The following MAP2K1 variants were observed in gnomAD, a reference collection of about 807,000 sequenced individuals.
MAP2K1 encodes the protein mitogen-activated protein kinase kinase 1.
A neutral mutation model predicts 46.3 loss-of-function variants in MAP2K1; 16 were observed. The ratio of observed to expected loss-of-function variants is 0.35; its 90% CI spans 0.23 to 0.52. The LOEUF (loss-of-function observed/expected upper bound fraction) is 0.52. Among genes scored for constraint, MAP2K1 ranks in the 20% least tolerant of loss-of-function variants. MAP2K1 has a pLI of 0.94. For missense variants in MAP2K1, 263 were observed against 497.1 expected (o/e 0.53, Z 4.48); for synonymous variants, 183 against 185.6 (o/e 0.99, Z 0.11).
intron 1 of MAP2K1, among the ~76,000 whole-genome samples, chr15:66,403,738 A>G (rs1236833310): frequency 6.6e-6 from 1 of 152,132 alleles, no homozygotes; most frequent in Non-Finnish European, 1.5e-5. Flanking sequence ...ATCCAGGTTA[A>G]TTATATTTCC....
rs567279883 is a variant in MAP2K1 at position 66,413,618 on chromosome 15, G to A, written c.81-21409G>A. On this transcript the variant is annotated intron_variant, in intron 1 of 10. Coordinates refer to ENST00000307102, the MANE Select transcript of MAP2K1 (RefSeq NM_002755.4). ...GCAAATTCTCATCCATTTCTGTATT[G>A]TAGGCATTTTTTTTTTTCTTTTGGT... Among the ~76,000 whole-genome samples, 19 of 68,822 alleles carry A rather than the reference G, an allele frequency of 2.8e-4. No individual in the cohort carries two copies. The East Asian group carries it at 8.3e-3, about 30-fold the overall frequency. 45.1% of individuals were successfully genotyped at this position (68,822 alleles called of 152,430 possible).
chr15:66,471,390 G>T (rs1220061578), intron 5 of MAP2K1, among the ~76,000 whole-genome samples: 1 of 152,156 alleles, frequency 6.6e-6, no homozygotes, highest in Non-Finnish European at 1.5e-5. Flanking sequence ...ACATTAGCAG[G>T]TAGGAGTTAC....
At chr15:66,433,084 G>C (rs1300756664) in intron 1 of MAP2K1, among the ~76,000 whole-genome samples, 2 of 151,584 alleles carry the variant, frequency 1.3e-5, no homozygotes. Flanking sequence ...TTAGCTGTGG[G>C]GTCCATCTAC....
At chr15:66,461,657 G>A (rs947093440) in intron 5 of MAP2K1, among the ~76,000 whole-genome samples, 2 of 151,818 alleles carry the variant, frequency 1.3e-5, no homozygotes, top group African/African-American at 4.8e-5. Flanking sequence ...GTTTATTGTT[G>A]GAGGTAAGTG....
At position 66,409,720 on chromosome 15, in the gene MAP2K1, G is replaced by A. The variant is rs576395558; in HGVS notation, c.80+22293G>A. On this transcript the variant is annotated intron_variant, in intron 1 of 10. Coordinates refer to ENST00000307102, the MANE Select transcript of MAP2K1 (RefSeq NM_002755.4). ...TCAGCAGAACTCACTTGGGAACAGA[G>A]TTTAATTTCACTGTAGGTGGCTGTG... Among the ~76,000 whole-genome samples the A allele has an allele frequency of 3.9e-5, 6 of 152,318 alleles. No homozygotes were observed. In the South Asian group the frequency reaches 6.2e-4, roughly 16 times the overall value.
At chr15:66,453,250 C>G (rs996617052) in intron 5 of MAP2K1, among the ~76,000 whole-genome samples, 47 of 152,200 alleles carry the variant, frequency 3.1e-4, no homozygotes, top group African/African-American at 1.1e-3. Flanking sequence ...AGTGCTGCCC[C>G]CACCTGCTTA....
rs1448313420 is a variant in MAP2K1, at chr15:66,485,326, A to AG, written c.895+139dup. The AG allele has an allele frequency of 3.5e-6, 3 of 854,014 alleles. No individual in the cohort carries two copies. The African/African-American group carries it at 5.1e-5, about 15-fold the overall frequency. 52.9% of individuals were successfully genotyped at this position (854,014 alleles called of 1,614,324 possible). A position where few individuals can be genotyped will look rare whatever the true frequency, so the allele number is the denominator to read the frequency against. On this transcript the variant is annotated intron_variant, in intron 7 of 10. Transcript: ENST00000307102. ...TGTCCCTGGATGCCAGGCTAGGGCC[A>AG]GGGGAAGCAGCAAGGGTCTCCAGGT... is the stretch of plus-strand genomic sequence containing the variant.
chr15:66,440,773 A>G (rs2093501556), intron 3 of MAP2K1, among the ~76,000 whole-genome samples: 1 of 152,250 alleles, frequency 6.6e-6, no homozygotes, highest in African/African-American at 2.4e-5. Flanking sequence ...CAATTTCAGC[A>G]GCTTAAGGCA....
chr15:66,420,781 ATATATATGTGTGTATATATATGTG>A (rs1567003081), intron 1 of MAP2K1, among the ~76,000 whole-genome samples: 6 of 38,492 alleles, frequency 1.6e-4, no homozygotes, highest in African/African-American at 4.2e-4. Context: ...ATATATGTGT[ATATATATGTGTGTATATATATGTG>A]TATATATATG....
chr15:66,412,650 GA>G (rs1253074672), intron 1 of MAP2K1, among the ~76,000 whole-genome samples: 4 of 152,108 alleles, frequency 2.6e-5, no homozygotes, highest in African/African-American at 4.8e-5. Flanking sequence ...ATGCATTTTA[GA>G]TATTTAAATA....
chr15:66,425,533 C>G (rs1316330708), intron 1 of MAP2K1, among the ~76,000 whole-genome samples: 1 of 152,144 alleles, frequency 6.6e-6, no homozygotes, highest in Admixed American at 6.5e-5. Context: ...ACTTCTAGGG[C>G]CAGTGACATA....
intron 1 of MAP2K1, among the ~76,000 whole-genome samples, chr15:66,420,960 TATATACACACACATAC>T (rs1168849127): frequency 3.4e-4 from 10 of 29,358 alleles, no homozygotes; most frequent in East Asian, 0.011. Context: ...TACACATACA[TATATACACACACATAC>T]ATACACACAC....
chr15:66,426,428 G>A (rs564896506), intron 1 of MAP2K1, among the ~76,000 whole-genome samples: 42 of 150,264 alleles, frequency 2.8e-4, no homozygotes, highest in African/African-American at 1.0e-3. Context: ...AAAAAAATTA[G>A]CATGTATACC....
rs990673168 is a variant in MAP2K1 at position 66,436,820 on chromosome 15, C to T, written c.366C>T (p.Asn122=). ...AGCTGCAGGTTCTGCATGAGTGCAA[C>T]TCTCCGTACATCGTGGGCTTCTATG... ...IRELQVLHEC[N]SPYIVGFYGA... The change falls in exon 3 of 11, where the codon AAC becomes AAT. Residue 122 remains asparagine (N), a synonymous_variant. Transcript: ENST00000307102. The T allele has an allele frequency of 7.4e-6, 12 of 1,614,058 alleles. No individual in the cohort carries two copies. Among genetic ancestry groups the T allele is most frequent in the Non-Finnish European group, 8.5e-6 (10 of 1,180,006 alleles).
chr15:66,412,231 A>T (rs911128267), intron 1 of MAP2K1, among the ~76,000 whole-genome samples: 2 of 152,220 alleles, frequency 1.3e-5, no homozygotes, highest in African/African-American at 4.8e-5. Context: ...TTTAGGAATC[A>T]GCTCCAGGAC....
At chr15:66,477,709 G>A (rs1383306435) in intron 5 of MAP2K1, among the ~76,000 whole-genome samples, 2 of 152,178 alleles carry the variant, frequency 1.3e-5, no homozygotes, top group Non-Finnish European at 2.9e-5. Context: ...ACAGCCCATG[G>A]GGAGAGTGTG....
chr15:66,432,578 AG>A (rs2093477496), intron 1 of MAP2K1, among the ~76,000 whole-genome samples: 1 of 152,218 alleles, frequency 6.6e-6, no homozygotes, highest in Non-Finnish European at 1.5e-5. Context: ...TCTGGTGCAA[AG>A]GCCTTTTTGT....
At chr15:66,490,114 TC>T (rs1349377259) in intron 10 of MAP2K1, 2 of 522,424 alleles carry the variant, frequency 3.8e-6, no homozygotes, top group Non-Finnish European at 6.9e-6. Flanking sequence ...GCCTGCTGTC[TC>T]GTTTGGTGGC....
chr15:66,408,119 A>G (rs2093402331), intron 1 of MAP2K1, among the ~76,000 whole-genome samples: 1 of 152,234 alleles, frequency 6.6e-6, no homozygotes, highest in Non-Finnish European at 1.5e-5. Context: ...GAAAGGATTC[A>G]TACACTCTGT....
Sources: allele counts gnomAD v4.1 joint callset (sites outside exome capture counted in the v4.1 genomes callset), GRCh38; gene constraint gnomAD v4.1.1; transcripts MANE v1.5; gene names NCBI Gene and HGNC (gene_info 2026-07-23, HGNC 2026-07-21).